CRADD: variants seen among roughly 807,000 people sequenced by gnomAD.
The protein encoded by CRADD is CARD and death domain containing adaptor protein.
A neutral mutation model predicts 15.5 loss-of-function variants in CRADD; 9 were observed. The ratio of observed to expected loss-of-function variants is 0.58; its 90% CI spans 0.35 to 1.01. The LOEUF (loss-of-function observed/expected upper bound fraction) is 1.01. CRADD is among the 50% of genes least tolerant of loss of function. CRADD has a pLI of 0.02. For missense variants in CRADD, 227 were observed against 250.3 expected (o/e 0.91, Z 0.63); for synonymous variants, 118 against 107.6 (o/e 1.10, Z -0.60).
At chr12:93,894,234 C>T (rs778002605) in exon 3 of CRADD, 28 of 486,904 alleles carry the variant, frequency 5.8e-5, no homozygotes, top group Non-Finnish European at 8.3e-5. Flanking sequence ...TGTCTGGAGG[C>T]GTTTTTGGTT....
chr12:93,697,711 A>G (rs962668534), intron 2 of CRADD, among the ~76,000 whole-genome samples: 1 of 152,202 alleles, frequency 6.6e-6, no homozygotes, highest in African/African-American at 2.4e-5. Context: ...CATTCATTCT[A>G]GGTTCATGAC....
At chr12:93,715,260 C>A (rs1408638413) in intron 2 of CRADD, among the ~76,000 whole-genome samples, 12 of 152,118 alleles carry the variant, frequency 7.9e-5, no homozygotes, top group Non-Finnish European at 1.6e-4. Context: ...ACCTTCCTGA[C>A]TTCATCAGCA....
chr12:93,706,561 G>A lies in CRADD; in HGVS notation c.298+27489G>A, dbSNP rs183280847. Among the ~76,000 whole-genome samples, 28 of 152,278 alleles carry A rather than the reference G, an allele frequency of 1.8e-4. No homozygotes were observed. In the East Asian group the frequency reaches 5.2e-3, roughly 28 times the overall value. ...GGAGGAGGAGCAACATGAAATGAGT[G>A]TGCTGTTTTATCAGAAGCCACTTAT... On this transcript the variant is annotated intron_variant, in intron 2 of 2. Transcript: ENST00000332896.
At chr12:93,789,982 A>G (rs536684421) in intron 2 of CRADD, among the ~76,000 whole-genome samples, 17 of 152,262 alleles carry the variant, frequency 1.1e-4, no homozygotes, top group African/African-American at 4.1e-4. Flanking sequence ...CTCTAAAGGT[A>G]GTAGTTGTGG....
chr12:93,871,949 T>C (rs1363020703), intron 2 of CRADD, among the ~76,000 whole-genome samples: 3 of 152,184 alleles, frequency 2.0e-5, no homozygotes, highest in Non-Finnish European at 4.4e-5. Flanking sequence ...TGATGGATCA[T>C]ATGGTAGCTC....
chr12:93,707,481 C>A (rs1955973781), intron 2 of CRADD, among the ~76,000 whole-genome samples: 1 of 152,116 alleles, frequency 6.6e-6, no homozygotes, highest in Admixed American at 6.5e-5. Context: ...TGGCTCTGGG[C>A]AGGGGGCTTA....
chr12:93,794,871 G>C (rs11837942), intron 2 of CRADD, among the ~76,000 whole-genome samples: 47,599 of 151,972 alleles, frequency 0.31, 7,740 homozygotes, highest in East Asian at 0.54. Context: ...ATACCAAGTG[G>C]GAGTCTTACC....
intron 2 of CRADD, among the ~76,000 whole-genome samples, chr12:93,836,676 G>A (rs1234417190): frequency 6.6e-6 from 1 of 152,218 alleles, no homozygotes; most frequent in African/African-American, 2.4e-5. Flanking sequence ...TAATACTGTA[G>A]CTATAGAGAA....
At chr12:93,821,607 A>G (rs992926295) in intron 2 of CRADD, among the ~76,000 whole-genome samples, 3 of 152,242 alleles carry the variant, frequency 2.0e-5, no homozygotes, top group East Asian at 1.9e-4. Flanking sequence ...AAATTGGAAC[A>G]TATGGTCTGG....
chr12:93,708,811 A>G (rs1565881137), intron 2 of CRADD: 2 of 152,256 alleles, frequency 1.3e-5, no homozygotes, highest in East Asian at 3.8e-4. Context: ...CTGATAGAAC[A>G]AAGTAGTGTA....
chr12:93,808,996 C>T (rs1470305497), intron 2 of CRADD, among the ~76,000 whole-genome samples: 4 of 152,146 alleles, frequency 2.6e-5, no homozygotes, highest in Non-Finnish European at 1.5e-5. Context: ...CTCACTTCAG[C>T]CTCCTTCTCC....
chr12:93,771,995 T>C (rs1592976652), intron 2 of CRADD, among the ~76,000 whole-genome samples: 1 of 152,252 alleles, frequency 6.6e-6, no homozygotes, highest in African/African-American at 2.4e-5. Context: ...GTGTGGCAAG[T>C]TGAATGTATG....
intron 2 of CRADD, among the ~76,000 whole-genome samples, chr12:93,767,200 AT>A (rs1340281908): frequency 6.6e-6 from 1 of 152,224 alleles, no homozygotes; most frequent in Non-Finnish European, 1.5e-5. Flanking sequence ...ATATTAACAA[AT>A]TTATTTATGA....
chr12:93,880,681 G>A (rs1958492363), intron 2 of CRADD, among the ~76,000 whole-genome samples: 1 of 151,762 alleles, frequency 6.6e-6, no homozygotes, highest in African/African-American at 2.4e-5. Context: ...CGAAAGGACT[G>A]TCTCTACAAA....
At chr12:93,783,257 A>G (rs1957233298) in intron 2 of CRADD, among the ~76,000 whole-genome samples, 1 of 147,394 alleles carries the variant, frequency 6.8e-6, no homozygotes, top group African/African-American at 2.5e-5. Context: ...TATTATTATT[A>G]TTATTATTAT....
At chr12:93,687,747 G>T (rs1236047686) in intron 2 of CRADD, among the ~76,000 whole-genome samples, 1 of 152,142 alleles carries the variant, frequency 6.6e-6, no homozygotes, top group Non-Finnish European at 1.5e-5. Flanking sequence ...AGGGATATTA[G>T]TTTGCAAATC....
At chr12:93,820,001 C>G (rs1957751098) in intron 2 of CRADD, among the ~76,000 whole-genome samples, 1 of 152,224 alleles carries the variant, frequency 6.6e-6, no homozygotes. Context: ...ATCTCTGCTT[C>G]CCATGTCTAC....
At chr12:93,759,842 C>T (rs535981909) in intron 2 of CRADD, among the ~76,000 whole-genome samples, 1 of 152,238 alleles carries the variant, frequency 6.6e-6, no homozygotes, top group East Asian at 1.9e-4. Flanking sequence ...AATGGGAGAA[C>T]AACAAGGACT....
chr12:93,718,211 T>C (rs1000184085), intron 2 of CRADD, among the ~76,000 whole-genome samples: 9 of 152,200 alleles, frequency 5.9e-5, no homozygotes, highest in Admixed American at 4.6e-4. Context: ...CACAAAATAG[T>C]GTGCTGGGAT....
Sources: allele counts gnomAD v4.1 joint callset (sites outside exome capture counted in the v4.1 genomes callset), GRCh38; gene constraint gnomAD v4.1.1; transcripts MANE v1.5; gene names NCBI Gene and HGNC (gene_info 2026-07-23, HGNC 2026-07-21).